Variants in CSGALNACT1 observed in about 807,000 individuals in gnomAD.
CSGALNACT1 encodes the protein beta4GalNAcT-1.
CSGALNACT1 carries 52 observed loss-of-function variants against 51.0 expected under a neutral mutation model. The observed-to-expected ratio is 1.02, with a 90% confidence interval of 0.82 to 1.29. The LOEUF (loss-of-function observed/expected upper bound fraction) is 1.29. Among genes scored for constraint, CSGALNACT1 ranks in the 50% most tolerant of loss-of-function variants. CSGALNACT1 has a pLI of 0.00. For synonymous variants in CSGALNACT1, 341 were observed against 254.4 expected (o/e 1.34, Z -3.24); for missense variants, 935 against 679.2 (o/e 1.38, Z -4.19).
intron 3 of CSGALNACT1, among the ~76,000 whole-genome samples, chr8:19,530,590 G>C (rs2082574440): frequency 6.6e-6 from 1 of 152,050 alleles, no homozygotes; most frequent in African/African-American, 2.4e-5. Context: ...TGTTCACCGG[G>C]CACAGTGGCT....
In CSGALNACT1 at chr8:19,636,669, G is replaced by A. The variant is rs1041221963; in HGVS notation, c.-543-34804C>T. On this transcript the variant is annotated intron_variant, in intron 1 of 9. Coordinates refer to the CSGALNACT1 transcript ENST00000332246. ...AACTACCCTGGTGTCACATACAGTC[G>A]GTAGTGCTGTCCCCAAATGGAGTGA... Among the ~76,000 whole-genome samples, 9 of 152,078 alleles carry A rather than the reference G, an allele frequency of 5.9e-5. No individual in the cohort carries two copies. The South Asian group carries it at 6.2e-4, about 11-fold the overall frequency.
chr8:19,544,774 C>T (rs575998305), intron 3 of CSGALNACT1, among the ~76,000 whole-genome samples: 17 of 152,272 alleles, frequency 1.1e-4, no homozygotes, highest in African/African-American at 4.1e-4. Context: ...GTTTTAACTG[C>T]ATAATTGGTC....
At chr8:19,658,084 A>AT (rs1554788806) in intron 1 of CSGALNACT1, among the ~76,000 whole-genome samples, 5 of 149,440 alleles carry the variant, frequency 3.3e-5, no homozygotes, top group Non-Finnish European at 7.4e-5. Flanking sequence ...AAAAAAAAAA[A>AT]GTCCTGTTAA....
rs533359410 is a variant in CSGALNACT1, at chr8:19,506,015, T to A, written c.-181A>T. ...GTTAACCACCACACAGAGCAGCTTC[T>A]CTACTTTTAAAGGATGATCTTGCAG... On this transcript the variant is annotated 5_prime_UTR_variant, in exon 4 of 10. Coordinates refer to ENST00000454498, the Ensembl canonical transcript of CSGALNACT1. 4 of 731,284 alleles carry A rather than the reference T, an allele frequency of 5.5e-6. No homozygotes were observed. The Admixed American group carries it at 8.0e-5, about 15-fold the overall frequency. 45.3% of individuals were successfully genotyped at this position (731,284 alleles called of 1,614,324 possible).
intron 3 of CSGALNACT1, among the ~76,000 whole-genome samples, chr8:19,552,739 T>C (rs2088504791): frequency 6.6e-6 from 1 of 152,226 alleles, no homozygotes; most frequent in South Asian, 2.1e-4. Context: ...TGTTAAAAAG[T>C]ATTAGTTTCC....
chr8:19,537,805 CAT>C (rs1012800688), intron 3 of CSGALNACT1, among the ~76,000 whole-genome samples: 7 of 152,276 alleles, frequency 4.6e-5, no homozygotes, highest in African/African-American at 1.7e-4. Flanking sequence ...TAGGAAAAAA[CAT>C]AGGACAAAAT....
rs554655200 is a variant in CSGALNACT1 at position 19,694,934 on chromosome 8, T to C, written c.-297+62916A>G. Among the ~76,000 whole-genome samples the C allele has an allele frequency of 1.2e-3, 176 of 152,318 alleles. 1 individual carries two copies. Among genetic ancestry groups the C allele is most frequent in the African/African-American group, 4.2e-3 (174 of 41,580 alleles). ...GCAAAGATGGCACACAGAGGCCCCA[T>C]GTCTGCAAAACGGCCCAGACCCTTT... is the stretch of plus-strand genomic sequence containing the variant. On this transcript the variant is annotated intron_variant, in intron 1 of 1. Coordinates refer to the CSGALNACT1 transcript ENST00000517494.
chr8:19,435,282 C>A (rs987040976), intron 6 of CSGALNACT1, among the ~76,000 whole-genome samples: 2 of 152,134 alleles, frequency 1.3e-5, no homozygotes, highest in African/African-American at 4.8e-5. Flanking sequence ...ATCACAAGGT[C>A]AAGAGATCGA....
intron 1 of CSGALNACT1, among the ~76,000 whole-genome samples, chr8:19,739,128 TATG>T (rs2064157891): frequency 6.6e-6 from 1 of 151,894 alleles, no homozygotes; most frequent in South Asian, 2.1e-4. Flanking sequence ...TTGAAATATA[TATG>T]ATATTTAGGG....
chr8:19,586,869 G>A (rs1236898123), intron 3 of CSGALNACT1, among the ~76,000 whole-genome samples: 1 of 152,100 alleles, frequency 6.6e-6, no homozygotes, highest in Non-Finnish European at 1.5e-5. Flanking sequence ...TACCAGAGAG[G>A]AATCCATTAC....
At chr8:19,568,770 TTC>T (rs1434293920) in intron 3 of CSGALNACT1, among the ~76,000 whole-genome samples, 1 of 152,182 alleles carries the variant, frequency 6.6e-6, no homozygotes, top group African/African-American at 2.4e-5. Context: ...AATTTGAAAT[TTC>T]TGTCTCAATT....
At chr8:19,531,002 A>G (rs1283867451) in intron 3 of CSGALNACT1, among the ~76,000 whole-genome samples, 4 of 152,206 alleles carry the variant, frequency 2.6e-5, no homozygotes, top group Admixed American at 2.0e-4. Context: ...CTGATCTTCA[A>G]GCCTGACACT....
intron 1 of CSGALNACT1, among the ~76,000 whole-genome samples, chr8:19,613,120 A>C (rs542917120): frequency 1.3e-5 from 2 of 152,122 alleles, no homozygotes; most frequent in Admixed American, 1.3e-4. Flanking sequence ...TTCACAATAC[A>C]TTGGTGAGAC....
At chr8:19,513,499 A>G (rs1203061959) in intron 3 of CSGALNACT1, among the ~76,000 whole-genome samples, 1 of 147,454 alleles carries the variant, frequency 6.8e-6, no homozygotes, top group Non-Finnish European at 1.5e-5. Context: ...GAAAATGAGT[A>G]TATACAACCA....
intron 1 of CSGALNACT1, among the ~76,000 whole-genome samples, chr8:19,659,066 C>A (rs997552544): frequency 6.6e-6 from 1 of 152,128 alleles, no homozygotes; most frequent in Admixed American, 6.5e-5. Context: ...GGGCTCCCCC[C>A]AACCCACCCA....
chr8:19,596,702 C>A (rs1395829587), intron 2 of CSGALNACT1, among the ~76,000 whole-genome samples: 3 of 151,832 alleles, frequency 2.0e-5, no homozygotes, highest in Admixed American at 6.6e-5. Flanking sequence ...ATTTAAAAAT[C>A]TAAGCAAAGG....
chr8:19,532,670 T>C (rs147224969), intron 3 of CSGALNACT1, among the ~76,000 whole-genome samples: 42 of 152,286 alleles, frequency 2.8e-4, no homozygotes, highest in African/African-American at 1.0e-3. Flanking sequence ...TCCTACCATA[T>C]TCCAGTCATA....
At chr8:19,481,373 C>T (rs138053425) in intron 4 of CSGALNACT1, among the ~76,000 whole-genome samples, 148 of 152,260 alleles carry the variant, frequency 9.7e-4, no homozygotes, top group Middle Eastern at 6.8e-3. Context: ...GTAGAAATTA[C>T]ATCTTATTCA....
intron 3 of CSGALNACT1, among the ~76,000 whole-genome samples, chr8:19,583,175 T>C (rs549371493): frequency 5.9e-5 from 9 of 151,970 alleles, no homozygotes; most frequent in Non-Finnish European, 1.0e-4. Flanking sequence ...AATACCTTTT[T>C]TTAAAAAAAA....
Sources: gnomAD v4.1 joint callset for allele counts (sites outside exome capture counted in the v4.1 genomes callset) on GRCh38, gnomAD v4.1.1 for gene constraint, MANE v1.5 for transcripts, NCBI Gene and HGNC (gene_info 2026-07-23, HGNC 2026-07-21) for gene names.